Variants in PCDHGA6 observed in about 807,000 individuals in gnomAD.
PCDHGA6 encodes protocadherin gamma subfamily A, 6, also known as protocadherin gamma-A6.
Under a neutral mutation model 60.6 loss-of-function variants are expected in PCDHGA6, and 41 were observed. The observed-to-expected ratio is 0.68, with a 90% CI of 0.53 to 0.88. The LOEUF is 0.88. PCDHGA6 is among the 40% of genes least tolerant of loss of function. PCDHGA6 has a pLI of 0.00. For synonymous variants in PCDHGA6, 594 were observed against 524.4 expected, an observed-to-expected ratio of 1.13 and a Z score of -1.81; for missense variants, 1,312 against 1,203.0, an observed-to-expected ratio of 1.09 and a Z score of -1.34.
chr5:141,427,146 A>G (rs901147622), intron 1 of PCDHGA6: 10 of 456,872 alleles, frequency 2.2e-5, no homozygotes, highest in Admixed American at 7.0e-5. Context: ...TGATATTGGA[A>G]ATATGTTTGT....
chr5:141,455,401 A>G (rs1252870027), intron 1 of PCDHGA6, among the ~76,000 whole-genome samples: 1 of 152,158 alleles, frequency 6.6e-6, no homozygotes, highest in Non-Finnish European at 1.5e-5. Context: ...TCCCCCTTAC[A>G]GAGACAGAGG....
At chr5:141,377,359 T>A (rs1773912257) in intron 1 of PCDHGA6, 1 of 152,146 alleles carries the variant, frequency 6.6e-6, no homozygotes, top group South Asian at 2.1e-4. Flanking sequence ...TAATCCCACC[T>A]CTTCAGGAGG....
chr5:141,403,315 A>C, intron 1 of PCDHGA6: 1 of 1,613,974 alleles, frequency 6.2e-7, no homozygotes, highest in African/African-American at 1.3e-5. Flanking sequence ...GAATAGAAAT[A>C]GAAGTAACTG....
intron 1 of PCDHGA6, among the ~76,000 whole-genome samples, chr5:141,442,945 C>G (rs1000311671): frequency 1.8e-4 from 28 of 152,150 alleles, no homozygotes; most frequent in African/African-American, 6.3e-4. Context: ...GAAACTTCCT[C>G]TCACTGCAAA....
intron 1 of PCDHGA6, chr5:141,399,029 A>G: frequency 6.2e-7 from 1 of 1,613,912 alleles, no homozygotes. Context: ...ACCACTCAAA[A>G]GAAACTGGAT....
chr5:141,432,139 TATCCCAGAGAACA>T lies in PCDHGA6; in HGVS notation c.2424+55642_2424+55654del, dbSNP rs745506362. On this transcript the variant is annotated intron_variant, in intron 1 of 3. Transcript: ENST00000517434. The surrounding 1 kb of genome is among the most constrained non-coding windows in gnomAD (Gnocchi z 6.0). ...TCCCTCAGGCCTCCTATTCCGCTTA[TATCCCAGAGAACA>T]ATCCCAGAGGAGTTTCCCTCGTCTC... 1.1e-5 allele frequency: 17 copies of T among 1,613,976 alleles called. No individual in the cohort carries two copies. The highest frequency in any genetic ancestry group is 1.3e-5 in the African/African-American group (1 of 74,892).
chr5:141,392,911 A>G (rs1416480997), intron 1 of PCDHGA6: 1 of 1,613,712 alleles, frequency 6.2e-7, no homozygotes, highest in African/African-American at 1.3e-5. Context: ...CAGATTCGCT[A>G]CTCTGTGCCA....
rs2093887845 is a variant in PCDHGA6, at chr5:141,399,791, C to T, written c.2424+23284C>T. ...TTGGTGGGCGACCGAAACGACAACG[C>T]ACCGCGGGTGCTGTACCCCGCGCTG... On this transcript the variant is annotated intron_variant, in intron 1 of 3. Transcript: ENST00000517434. 1.2e-6 allele frequency: 2 copies of T among 1,613,128 alleles called. No individual in the cohort carries two copies. Among genetic ancestry groups the T allele is most frequent in the Admixed American group, 1.7e-5 (1 of 59,984 alleles).
intron 1 of PCDHGA6, chr5:141,403,576 C>T (rs976638680): frequency 1.9e-6 from 3 of 1,613,946 alleles, no homozygotes; most frequent in Non-Finnish European, 2.5e-6. Context: ...CAACTGCCCA[C>T]CACCTGGTCC....
intron 1 of PCDHGA6, chr5:141,478,233 TG>T (rs1467423955): frequency 3.7e-6 from 6 of 1,614,126 alleles, no homozygotes; most frequent in Non-Finnish European, 5.1e-6. Flanking sequence ...GTGGGGTTTG[TG>T]GTCACAGTGT....
chr5:141,447,257 A>G (rs1182682161), intron 1 of PCDHGA6, among the ~76,000 whole-genome samples: 1 of 152,080 alleles, frequency 6.6e-6, no homozygotes, highest in Non-Finnish European at 1.5e-5. Flanking sequence ...CTTCTGTCTC[A>G]GCCTCCCAAG....
intron 1 of PCDHGA6, among the ~76,000 whole-genome samples, chr5:141,472,980 C>CAAAAAAAAAAAAAAAAA (rs60579131): frequency 5.8e-5 from 5 of 86,060 alleles, no homozygotes; most frequent in African/African-American, 3.9e-5. Context: ...GAGTGAAACT[C>CAAAAAAAAAAAAAAAAA]AAAAAAAAAA....
intron 1 of PCDHGA6, chr5:141,382,931 G>A (rs1415161617): frequency 6.3e-7 from 1 of 1,584,178 alleles, no homozygotes; most frequent in Non-Finnish European, 8.6e-7. Context: ...GGGGACTACA[G>A]AGGATTCTTC....
At chr5:141,428,134 T>C (rs746772496) in intron 1 of PCDHGA6, 1 of 1,600,266 alleles carries the variant, frequency 6.2e-7, no homozygotes, top group Non-Finnish European at 8.5e-7. Flanking sequence ...CTTTTCAGCC[T>C]GGGGCTGCAC....
chr5:141,423,693 G>T lies in PCDHGA6; in HGVS notation c.2424+47186G>T, dbSNP rs114008539. On this transcript the variant is annotated intron_variant, in intron 1 of 3. Transcript: ENST00000517434. ...TTATTTCTCTGCCTCCTAATTGTTG[G>T]TGTCTTGGCACAAGTCTTTTAAGGA... 910 of 1,396,244 alleles carry T rather than the reference G, an allele frequency of 6.5e-4. 7 individuals carry two copies. The African/African-American group carries it at 0.012, about 18-fold the overall frequency. 86.5% of individuals were successfully genotyped at this position (1,396,244 alleles called of 1,614,324 possible).
At chr5:141,409,434 A>T in intron 1 of PCDHGA6, 2 of 1,613,992 alleles carry the variant, frequency 1.2e-6, no homozygotes, top group Non-Finnish European at 1.7e-6. Context: ...GGAGCCCTGG[A>T]CCGAGAGCAG....
chr5:141,476,966 G>A lies in PCDHGA6; in HGVS notation c.2425-17841G>A. ...CAACGGTGAAATTATTTACTCCTTC[G>A]GCAGCCACAACCGCGCCGGCGTGCG... On this transcript the variant is annotated intron_variant, in intron 1 of 3. Transcript: ENST00000517434. This position sits in a 1 kb window ranked among gnomAD's most constrained non-coding sequence, Gnocchi z 7.6. 1 of 1,614,152 alleles carries A rather than the reference G, an allele frequency of 6.2e-7. No individual in the cohort carries two copies. The highest frequency in any genetic ancestry group is 8.5e-7 in the Non-Finnish European group (1 of 1,180,032).
intron 3 of PCDHGA6, among the ~76,000 whole-genome samples, chr5:141,510,266 C>T (rs1202092142): frequency 7.0e-6 from 1 of 143,198 alleles, no homozygotes; most frequent in Non-Finnish European, 1.5e-5. Flanking sequence ...GAGCAGGACT[C>T]CATCTTAAAA....
intron 1 of PCDHGA6, chr5:141,412,984 C>G: frequency 1.8e-6 from 1 of 558,874 alleles, no homozygotes; most frequent in Non-Finnish European, 3.0e-6. Flanking sequence ...GCAGCCAGAG[C>G]TCAATCCGGA....
Sources: allele counts gnomAD v4.1 joint callset (sites outside exome capture counted in the v4.1 genomes callset), GRCh38; gene constraint gnomAD v4.1.1; non-coding constraint Gnocchi (gnomAD v3.1); transcripts MANE v1.5; gene names NCBI Gene and HGNC (gene_info 2026-07-23, HGNC 2026-07-21).